GRID1: variants seen among roughly 807,000 people sequenced by gnomAD.
GRID1 encodes glutamate receptor ionotropic, delta-1.
A neutral mutation model predicts 98.0 loss-of-function variants in GRID1; 28 were observed. The observed-to-expected ratio is 0.29, with a 90% CI of 0.21 to 0.39. The LOEUF is 0.39. GRID1 is among the 10% of genes least tolerant of loss of function. The pLI is 1.00. For synonymous variants in GRID1, 553 were observed against 538.5 expected (o/e 1.03, Z -0.37); for missense variants, 1,111 against 1,340.5 (o/e 0.83, Z 2.67).
chr10:86,106,041 T>C lies in GRID1; in HGVS notation c.726+32778A>G, dbSNP rs183537065. Among the ~76,000 whole-genome samples, 6 of 152,278 alleles carry C rather than the reference T, an allele frequency of 3.9e-5. No homozygotes were observed. The East Asian group carries it at 1.2e-3, about 29-fold the overall frequency. On this transcript the variant is annotated intron_variant, in intron 4 of 15. Transcript: ENST00000327946. ...GGATGATGATATCCACTGCTCAGCA[T>C]GGCAGTCAAGACCACGGTCTTGGGG...
intron 15 of GRID1, 94 bp from the exon 16 acceptor site, chr10:85,602,795 G>T: frequency 1.1e-6 from 1 of 897,920 alleles, no homozygotes; most frequent in Non-Finnish European, 1.7e-6. Context: ...ACCAGGCCTG[G>T]TCAGCCTGTT....
intron 5 of GRID1, among the ~76,000 whole-genome samples, chr10:85,879,129 G>C (rs914248576): frequency 3.9e-5 from 6 of 152,110 alleles, no homozygotes; most frequent in Non-Finnish European, 7.4e-5. Flanking sequence ...AGCAAGTCCT[G>C]AGTGACCTAC....
intron 2 of GRID1, among the ~76,000 whole-genome samples, chr10:86,362,221 G>A (rs10788496): frequency 0.29 from 43,996 of 152,128 alleles, 7,037 homozygotes; most frequent in South Asian, 0.5. Flanking sequence ...AGGTGGCACT[G>A]TGAAAGTTGT....
chr10:85,741,956 C>A (rs75513267), intron 8 of GRID1, among the ~76,000 whole-genome samples: 4,988 of 152,296 alleles, frequency 0.033, 127 homozygotes, highest in Middle Eastern at 0.048. Context: ...TTGGCTCTTT[C>A]TCATCTGGTG....
intron 13 of GRID1, among the ~76,000 whole-genome samples, chr10:85,628,734 G>A (rs1366045489): frequency 1.3e-5 from 2 of 152,154 alleles, no homozygotes; most frequent in Non-Finnish European, 2.9e-5. Flanking sequence ...AGGCTCAGTC[G>A]GGGGACAAGA....
At chr10:86,281,569 CTT>C (rs1393503794) in intron 2 of GRID1, among the ~76,000 whole-genome samples, 6 of 152,188 alleles carry the variant, frequency 3.9e-5, no homozygotes, top group Non-Finnish European at 7.3e-5. Flanking sequence ...CCAAAAGCAA[CTT>C]TGTTGTTCAT....
intron 4 of GRID1, among the ~76,000 whole-genome samples, chr10:86,035,184 TA>T (rs1187785701): frequency 6.6e-6 from 1 of 152,222 alleles, no homozygotes; most frequent in Non-Finnish European, 1.5e-5. Flanking sequence ...ATAGGCCTGT[TA>T]TCCCTTCATC....
chr10:85,619,785 C>T, intron 14 of GRID1, 82 bp downstream of exon 14: 1 of 1,080,756 alleles, frequency 9.3e-7, no homozygotes, highest in East Asian at 2.4e-5. Context: ...TGCATTGGCT[C>T]TTATCTTCTA....
At chr10:85,970,715 TA>T (rs907554406) in intron 4 of GRID1, among the ~76,000 whole-genome samples, 1 of 152,084 alleles carries the variant, frequency 6.6e-6, no homozygotes, top group African/African-American at 2.4e-5. Flanking sequence ...CATCTGCAGC[TA>T]ACATCATACT....
At chr10:86,154,933 G>C (rs1282029542) in intron 3 of GRID1, among the ~76,000 whole-genome samples, 1 of 152,154 alleles carries the variant, frequency 6.6e-6, no homozygotes, top group East Asian at 1.9e-4. Context: ...AACCCCAGGA[G>C]GGCAGGTCTA....
intron 8 of GRID1, among the ~76,000 whole-genome samples, chr10:85,769,334 A>G (rs4934131): frequency 0.69 from 104,740 of 152,102 alleles, 36,272 homozygotes; most frequent in East Asian, 0.87. Context: ...TAAAGATGGC[A>G]GGAGCTGGAG....
At chr10:85,859,088 T>C (rs1843140320) in intron 6 of GRID1, among the ~76,000 whole-genome samples, 1 of 152,178 alleles carries the variant, frequency 6.6e-6, no homozygotes, top group Non-Finnish European at 1.5e-5. Context: ...AGGCAGGCCT[T>C]CCCAATGCCC....
chr10:86,341,282 C>G (rs952206321), intron 2 of GRID1, among the ~76,000 whole-genome samples: 1 of 152,056 alleles, frequency 6.6e-6, no homozygotes, highest in East Asian at 1.9e-4. Context: ...GCAAGAAAAC[C>G]CTACCACCGA....
At chr10:85,982,588 G>A (rs761776465) in intron 4 of GRID1, among the ~76,000 whole-genome samples, 8 of 152,316 alleles carry the variant, frequency 5.3e-5, no homozygotes, top group African/African-American at 1.2e-4. Context: ...AGCCCAGCCC[G>A]TGGCAGCTCT....
At chr10:86,065,359 T>A (rs1445797265) in intron 4 of GRID1, among the ~76,000 whole-genome samples, 1 of 152,264 alleles carries the variant, frequency 6.6e-6, no homozygotes, top group Non-Finnish European at 1.5e-5. Context: ...GAACTTCTGC[T>A]GCAGCTCTGT....
intron 4 of GRID1, among the ~76,000 whole-genome samples, chr10:85,970,334 C>T (rs1842391658): frequency 6.6e-6 from 1 of 152,028 alleles, no homozygotes. Context: ...TACTGTTACC[C>T]TGATACTAAA....
chr10:85,638,806 G>A (rs1247759284), intron 13 of GRID1, among the ~76,000 whole-genome samples: 1 of 152,060 alleles, frequency 6.6e-6, no homozygotes, highest in Non-Finnish European at 1.5e-5. Context: ...AAGATACATG[G>A]ATGGCCAATA....
At chr10:85,809,515 G>A (rs554392751) in intron 8 of GRID1, among the ~76,000 whole-genome samples, 1 of 152,240 alleles carries the variant, frequency 6.6e-6, no homozygotes, top group African/African-American at 2.4e-5. Flanking sequence ...CCTTTAAAAG[G>A]AGCAGCAATA....
intron 2 of GRID1, among the ~76,000 whole-genome samples, chr10:86,311,671 T>C (rs896250427): frequency 1.3e-5 from 2 of 152,156 alleles, no homozygotes; most frequent in African/African-American, 4.8e-5. Context: ...CTTCCATCCA[T>C]CCAACCTGAG....
Sources: gnomAD v4.1 joint callset for allele counts (sites outside exome capture counted in the v4.1 genomes callset) on GRCh38, gnomAD v4.1.1 for gene constraint, MANE v1.5 for transcripts, NCBI Gene and HGNC (gene_info 2026-07-23, HGNC 2026-07-21) for gene names.